Variants in GRIP2 observed in about 807,000 individuals in gnomAD.
GRIP2 encodes the protein glutamate receptor interacting protein 2.
GRIP2 carries 58 observed loss-of-function variants against 108.3 expected under a neutral mutation model. The ratio of observed to expected loss-of-function variants is 0.54; its 90% confidence interval spans 0.43 to 0.67. The LOEUF (loss-of-function observed/expected upper bound fraction) is 0.67, where lower values mean the gene tolerates loss of function less well. Among genes scored for constraint, GRIP2 ranks in the 30% least tolerant of loss-of-function variants. The pLI is 0.00. For synonymous variants in GRIP2, 586 were observed against 598.2 expected (o/e 0.98, Z 0.30); for missense variants, 1,278 against 1,430.6 (o/e 0.89, Z 1.72).
In GRIP2 at chr3:14,512,944, G is replaced by A; in HGVS notation, c.1640-87C>T. The A allele has an allele frequency of 8.3e-7, 1 of 1,198,276 alleles. No individual in the cohort carries two copies. The highest frequency in any genetic ancestry group is 1.2e-5 in the South Asian group (1 of 80,928). 74.2% of individuals were successfully genotyped at this position (1,198,276 alleles called of 1,614,324 possible). Reference sequence around the variant, plus strand: ...GCCCCATGCCCATTCTGGCTGTGCTGGGAGTGACCCCGAAAGTCACAGTTC... The same window carrying A: ...GCCCCATGCCCATTCTGGCTGTGCTAGGAGTGACCCCGAAAGTCACAGTTC... On this transcript the variant is annotated intron_variant, in intron 13 of 23. Coordinates refer to ENST00000621039, the MANE Select transcript of GRIP2 (RefSeq NM_001080423.4). This position sits in a 1 kb window ranked among gnomAD's most constrained non-coding sequence, Gnocchi z 5.1.
chr3:14,520,711 A>G, intron 7 of GRIP2, 174 bp from the exon 8 acceptor site: 1 of 691,952 alleles, frequency 1.4e-6, no homozygotes, highest in Non-Finnish European at 2.4e-6. Flanking sequence ...CAAATGTTAT[A>G]TCAATTTGAC....
chr3:14,574,526 C>T, the GRIP2 span: 17 of 742,900 alleles, frequency 2.3e-5, no homozygotes, highest in East Asian at 3.9e-4. Flanking sequence ...ACTCCTGCTC[C>T]GGTGCCTTCT....
chr3:14,539,908 C>T (rs894501011), intron 1 of GRIP2, among the ~76,000 whole-genome samples: 1 of 152,186 alleles, frequency 6.6e-6, no homozygotes, highest in African/African-American at 2.4e-5. Flanking sequence ...GTCGGACACT[C>T]ACTCCCACCA....
Position 14,520,294 on chromosome 3 carries a change from G to C in GRIP2, c.861-15C>G. 1.2e-6 allele frequency: 2 copies of C among 1,612,362 alleles called. No individual in the cohort carries two copies. Among genetic ancestry groups the C allele is most frequent in the East Asian group, 2.2e-5 (1 of 44,848 alleles). ...GGGCTCCGCTCCTGGCCAGGCAGGG[G>C]AGTGAAGGCGGAGGCTGGTCCAGGC... On this transcript the variant is annotated splice_polypyrimidine_tract_variant and intron_variant, in intron 8 of 23. Transcript: ENST00000621039.
chr3:14,517,139 G>C lies in GRIP2; in HGVS notation c.1231C>G (p.Arg411Gly), dbSNP rs190866851. The C allele has an allele frequency of 1.2e-6, 2 of 1,610,528 alleles. No individual in the cohort carries two copies. The highest frequency in any genetic ancestry group is 4.5e-5 in the East Asian group (2 of 44,514). Residue 411 changes from arginine (R) to glycine (G), a missense_variant, in exon 11 of 24, where the codon CGT (arginine) becomes GGT (glycine). Coordinates refer to ENST00000621039, the MANE Select transcript of GRIP2 (RefSeq NM_001080423.4). Reference sequence around the variant, plus strand: ...CGAGGACTCATGGGCTGGGATCCACGGGGAAGGGTGCTGGGGTTGTTGCAG... The same window carrying C: ...CGAGGACTCATGGGCTGGGATCCACCGGGAAGGGTGCTGGGGTTGTTGCAG... The part of the protein sequence containing the change: ...FSCNNPSTLP[R>G]GSQPMSPRTT...
intron 1 of GRIP2, among the ~76,000 whole-genome samples, chr3:14,532,764 G>A (rs1419058553): frequency 6.6e-6 from 1 of 151,750 alleles, no homozygotes; most frequent in South Asian, 2.1e-4. Flanking sequence ...TCGGAGGTGG[G>A]GCTCAACCTG....
At chr3:14,574,293 A>G in the GRIP2 span, 1 of 973,126 alleles carries the variant, frequency 1.0e-6, no homozygotes, top group Non-Finnish European at 1.6e-6. Flanking sequence ...CCGTCCCACC[A>G]TGCTCAGCCC....
chr3:14,496,671 G>C, intron 21 of GRIP2, 111 bp from the exon 22 acceptor site: 1 of 1,406,010 alleles, frequency 7.1e-7, no homozygotes. Flanking sequence ...ATGGTGAACA[G>C]GACAGACATG....
the GRIP2 span, among the ~76,000 whole-genome samples, chr3:14,565,913 A>G: frequency 6.6e-6 from 1 of 152,330 alleles, no homozygotes; most frequent in South Asian, 2.1e-4. Context: ...TCAAGCACAG[A>G]GAAAGGAGCG....
intron 1 of GRIP2, among the ~76,000 whole-genome samples, chr3:14,527,710 G>T (rs1249690261): frequency 1.7e-5 from 1 of 57,902 alleles, no homozygotes; most frequent in African/African-American, 4.0e-5. Context: ...GCCAACAGAG[G>T]CATGGCAAAA....
upstream of GRIP2, among the ~76,000 whole-genome samples, chr3:14,558,204 G>C (rs1474374083): frequency 6.6e-6 from 1 of 152,178 alleles, no homozygotes; most frequent in Non-Finnish European, 1.5e-5. Context: ...TATTCTACCA[G>C]AGTCACACAG....
At chr3:14,565,194 T>C in the GRIP2 span, among the ~76,000 whole-genome samples, 1 of 152,074 alleles carries the variant, frequency 6.6e-6, no homozygotes, top group Non-Finnish European at 1.5e-5. Flanking sequence ...AGGCAAGAAT[T>C]AAGGGAAAGG....
At chr3:14,535,531 T>C (rs1457699826) in intron 1 of GRIP2, among the ~76,000 whole-genome samples, 2 of 152,264 alleles carry the variant, frequency 1.3e-5, no homozygotes, top group Non-Finnish European at 2.9e-5. Context: ...CTGTGCTTCC[T>C]AAGCACGATC....
chr3:14,573,320 A>C, the GRIP2 span: 2 of 1,411,318 alleles, frequency 1.4e-6, no homozygotes, highest in Non-Finnish European at 2.0e-6. Context: ...CAGTGACACC[A>C]CTCAGCAGGT....
At chr3:14,550,356 G>T (rs1695127280) in intron 1 of GRIP2, among the ~76,000 whole-genome samples, 1 of 152,210 alleles carries the variant, frequency 6.6e-6, no homozygotes, top group Non-Finnish European at 1.5e-5. Context: ...GCTGGCTGGG[G>T]CCTCATCTAG....
At chr3:14,563,053 A>G in the GRIP2 span, among the ~76,000 whole-genome samples, 1 of 152,252 alleles carries the variant, frequency 6.6e-6, no homozygotes, top group African/African-American at 2.4e-5. Context: ...ACAGATTAAA[A>G]GAGACACAAG....
At chr3:14,532,181 G>A (rs1481662695) in intron 1 of GRIP2, among the ~76,000 whole-genome samples, 1 of 152,198 alleles carries the variant, frequency 6.6e-6, no homozygotes, top group African/African-American at 2.4e-5. Context: ...CGGCCCACGC[G>A]CCCTCCCATC....
chr3:14,522,738 C>T lies in GRIP2; in HGVS notation c.566+262G>A, dbSNP rs559221077. 39 of 475,868 alleles carry T rather than the reference C, an allele frequency of 8.2e-5. No homozygotes were observed. In the Admixed American group the frequency reaches 9.1e-4, roughly 11 times the overall value. 29.5% of individuals were successfully genotyped at this position (475,868 alleles called of 1,614,324 possible). ...AACCAAGGAGCAGGAAAGGGAAGAA[C>T]GACACCAAGGCTGCCCCTCTCCAAA... On this transcript the variant is annotated intron_variant, in intron 6 of 23. Coordinates refer to ENST00000621039, the MANE Select transcript of GRIP2 (RefSeq NM_001080423.4). This position sits in a 1 kb window ranked among gnomAD's most constrained non-coding sequence, Gnocchi z 4.3.
At chr3:14,596,817 T>A in the GRIP2 span, among the ~76,000 whole-genome samples, 2 of 152,120 alleles carry the variant, frequency 1.3e-5, no homozygotes, top group South Asian at 2.1e-4. Flanking sequence ...CATGACTCAC[T>A]GCAGCTTCAA....
Sources: allele counts gnomAD v4.1 joint callset (sites outside exome capture counted in the v4.1 genomes callset), GRCh38; gene constraint gnomAD v4.1.1; non-coding constraint Gnocchi (gnomAD v3.1); transcripts MANE v1.5; gene names NCBI Gene and HGNC (gene_info 2026-07-23, HGNC 2026-07-21).